Variants in TENM4 observed in about 807,000 individuals in gnomAD.
TENM4 encodes the protein teneurin-4.
Under a neutral mutation model 243.3 loss-of-function variants are expected in TENM4, and 82 were observed. The observed-to-expected ratio is 0.34, with a 90% CI of 0.28 to 0.40. The LOEUF (loss-of-function observed/expected upper bound fraction) is 0.40. Among genes scored for constraint, TENM4 ranks in the 10% least tolerant of loss-of-function variants. TENM4 has a pLI of 1.00. For synonymous variants in TENM4, 1,412 were observed against 1,456.3 expected (o/e 0.97, Z 0.69); for missense variants, 3,138 against 3,673.3 (o/e 0.85, Z 3.77).
At chr11:79,100,828 G>C (rs980976265) in intron 4 of TENM4, among the ~76,000 whole-genome samples, 1 of 152,172 alleles carries the variant, frequency 6.6e-6, no homozygotes, top group African/African-American at 2.4e-5. Context: ...AAGGTATTTA[G>C]CAGGGGTGTT....
At chr11:79,332,536 G>T (rs1404704469) in intron 1 of TENM4, among the ~76,000 whole-genome samples, 2 of 151,846 alleles carry the variant, frequency 1.3e-5, no homozygotes, top group Non-Finnish European at 2.9e-5. Flanking sequence ...AATCCATCTG[G>T]GGGCTAATTG....
chr11:78,969,115 A>C (rs1407448704), intron 6 of TENM4, among the ~76,000 whole-genome samples: 1 of 152,222 alleles, frequency 6.6e-6, no homozygotes, highest in Non-Finnish European at 1.5e-5. Flanking sequence ...CTCACTGTAA[A>C]GGCTCAGCCA....
intron 2 of TENM4, among the ~76,000 whole-genome samples, chr11:79,233,488 A>C (rs902468793): frequency 2.0e-5 from 3 of 152,172 alleles, no homozygotes; most frequent in Non-Finnish European, 4.4e-5. Flanking sequence ...AGGATGGTAG[A>C]TGAACTTAAT....
chr11:79,045,832 A>G (rs920989986), intron 6 of TENM4, among the ~76,000 whole-genome samples: 20 of 151,882 alleles, frequency 1.3e-4, no homozygotes, highest in African/African-American at 4.1e-4. Flanking sequence ...TACAACAGGT[A>G]TTTGGCAGAA....
chr11:78,882,705 C>T (rs184911285), intron 9 of TENM4, among the ~76,000 whole-genome samples: 20 of 152,354 alleles, frequency 1.3e-4, no homozygotes, highest in Admixed American at 5.9e-4. Flanking sequence ...TAGATAGCCT[C>T]AAGAACTGCA....
At chr11:79,096,437 TC>T (rs1157943156) in intron 4 of TENM4, 2 of 152,280 alleles carry the variant, frequency 1.3e-5, no homozygotes, top group African/African-American at 4.8e-5. Context: ...CAGATGGAGC[TC>T]CTCAGGATGG....
intron 12 of TENM4, among the ~76,000 whole-genome samples, chr11:78,840,365 T>C (rs1267055031): frequency 6.6e-6 from 1 of 152,102 alleles, no homozygotes; most frequent in Non-Finnish European, 1.5e-5. Flanking sequence ...ACATGTAATA[T>C]GAACCAGGAA....
chr11:78,974,988 A>G (rs1369457), intron 6 of TENM4, among the ~76,000 whole-genome samples: 75,551 of 151,082 alleles, frequency 0.5, 21,021 homozygotes, highest in African/African-American at 0.76. Context: ...CCTGGCCTGC[A>G]CCTCCCTTTC....
At chr11:79,372,698 G>C (rs1857811184) in intron 1 of TENM4, among the ~76,000 whole-genome samples, 2 of 152,178 alleles carry the variant, frequency 1.3e-5, no homozygotes, top group East Asian at 3.9e-4. Context: ...TGGGAGGGGA[G>C]GGGGGAATCT....
intron 2 of TENM4, among the ~76,000 whole-genome samples, chr11:79,280,792 C>A (rs892319281): frequency 1.3e-5 from 2 of 152,188 alleles, no homozygotes; most frequent in African/African-American, 4.8e-5. Context: ...TACCTTTCAG[C>A]TGGAAAATCT....
chr11:79,137,107 T>C (rs912198611), intron 4 of TENM4, among the ~76,000 whole-genome samples: 9 of 152,162 alleles, frequency 5.9e-5, no homozygotes, highest in Admixed American at 5.9e-4. Flanking sequence ...TTCCTGTTCC[T>C]GTGACATTAT....
chr11:78,687,182 A>G (rs1053555833), intron 29 of TENM4, among the ~76,000 whole-genome samples: 2 of 151,928 alleles, frequency 1.3e-5, no homozygotes, highest in Non-Finnish European at 2.9e-5. Flanking sequence ...CAGGGCCCCA[A>G]ATCGCCCACC....
intron 3 of TENM4, among the ~76,000 whole-genome samples, chr11:79,214,603 A>G (rs1248204454): frequency 2.6e-5 from 4 of 152,246 alleles, no homozygotes; most frequent in Non-Finnish European, 5.9e-5. Flanking sequence ...TAAAATAGAA[A>G]TCATATCTAC....
intron 2 of TENM4, among the ~76,000 whole-genome samples, chr11:79,245,962 A>AG (rs1565266646): frequency 7.0e-6 from 1 of 143,506 alleles, no homozygotes; most frequent in African/African-American, 2.7e-5. Context: ...AAAAAAAAAA[A>AG]GAAAAGAAAA....
chr11:79,413,958 C>T (rs991290215), intron 1 of TENM4, among the ~76,000 whole-genome samples: 3 of 152,014 alleles, frequency 2.0e-5, no homozygotes, highest in Non-Finnish European at 4.4e-5. Context: ...AAGATCAATT[C>T]CTTGTGGCTC....
chr11:79,431,858 T>A (rs1327434731), intron 1 of TENM4, among the ~76,000 whole-genome samples: 1 of 152,234 alleles, frequency 6.6e-6, no homozygotes, highest in African/African-American at 2.4e-5. Flanking sequence ...AGTTGCCATG[T>A]GTCAGCTATT....
intron 6 of TENM4, among the ~76,000 whole-genome samples, chr11:79,048,407 AC>A (rs1330915169): frequency 6.6e-6 from 1 of 152,150 alleles, no homozygotes; most frequent in Admixed American, 6.5e-5. Flanking sequence ...TTATGAAGAT[AC>A]CCCGGCAGAA....
At chr11:78,803,964 A>G (rs1386282085) in intron 15 of TENM4, among the ~76,000 whole-genome samples, 1 of 152,264 alleles carries the variant, frequency 6.6e-6, no homozygotes, top group Non-Finnish European at 1.5e-5. Flanking sequence ...TGTGTATTGA[A>G]CATCAATTCT....
intron 25 of TENM4, among the ~76,000 whole-genome samples, chr11:78,717,322 C>G (rs114741816): frequency 6.6e-6 from 1 of 152,154 alleles, no homozygotes; most frequent in Admixed American, 6.5e-5. Flanking sequence ...AGTGAGAATT[C>G]TCTTTGTCTC....
Sources: gnomAD v4.1 joint callset for allele counts (sites outside exome capture counted in the v4.1 genomes callset) on GRCh38, gnomAD v4.1.1 for gene constraint, MANE v1.5 for transcripts, NCBI Gene and HGNC (gene_info 2026-07-23, HGNC 2026-07-21) for gene names.